The following DOCK4 variants were observed in gnomAD, a reference collection of about 807,000 sequenced individuals.
DOCK4 encodes dedicator of cytokinesis 4.
A neutral mutation model predicts 268.1 loss-of-function variants in DOCK4; 97 were observed. The ratio of observed to expected loss-of-function variants is 0.36; its 90% CI spans 0.31 to 0.43. DOCK4 has a LOEUF of 0.43. DOCK4 is among the 20% of genes least tolerant of loss of function. The probability of loss-of-function intolerance (pLI) is 1.00; values close to 1 mark genes in which losing one functional copy is unlikely to be tolerated. For synonymous variants in DOCK4, 954 were observed against 887.2 expected (o/e 1.08, Z -1.34); for missense variants, 2,145 against 2,455.7 (o/e 0.87, Z 2.67).
intron 8 of DOCK4, among the ~76,000 whole-genome samples, chr7:111,952,458 A>C (rs561933730): frequency 1.3e-5 from 2 of 152,288 alleles, no homozygotes; most frequent in South Asian, 4.1e-4. Flanking sequence ...AATATCAAAA[A>C]TTTTGACATT....
intron 15 of DOCK4, among the ~76,000 whole-genome samples, chr7:111,897,697 T>G (rs1000864008): frequency 6.6e-6 from 1 of 152,186 alleles, no homozygotes; most frequent in Non-Finnish European, 1.5e-5. Flanking sequence ...GCTGGCTCAG[T>G]AGACCAACCA....
At chr7:111,931,412 G>C (rs1341448960) in intron 12 of DOCK4, among the ~76,000 whole-genome samples, 1 of 152,196 alleles carries the variant, frequency 6.6e-6, no homozygotes, top group African/African-American at 2.4e-5. Context: ...TTTCACTCAG[G>C]ATTCCAGTAA....
In DOCK4 at chr7:112,063,284, G is replaced by A. The variant is rs561140760; in HGVS notation, c.38-59153C>T. Among the ~76,000 whole-genome samples the A allele has an allele frequency of 1.3e-4, 20 of 152,314 alleles. No individual in the cohort carries two copies. In the South Asian group the frequency reaches 3.9e-3, roughly 30 times the overall value. On this transcript the variant is annotated intron_variant, in intron 1 of 52. Transcript: ENST00000428084. ...CTTGCTATACACCAGTCTGTAATTC[G>A]TGGCCTTCTATCATCCTTCCACCAC...
intron 1 of DOCK4, among the ~76,000 whole-genome samples, chr7:112,015,031 T>A (rs1801694748): frequency 6.6e-6 from 1 of 152,174 alleles, no homozygotes; most frequent in African/African-American, 2.4e-5. Flanking sequence ...CTGGGTGGCA[T>A]TCCCAGGAGG....
chr7:111,935,230 G>A, intron 12 of DOCK4: 1 of 375,264 alleles, frequency 2.7e-6, no homozygotes, highest in Non-Finnish European at 5.1e-6. Context: ...TTACAGGCGT[G>A]AGCCACCGTG....
chr7:112,113,152 C>T (rs892766229), intron 1 of DOCK4, among the ~76,000 whole-genome samples: 2 of 152,288 alleles, frequency 1.3e-5, no homozygotes, highest in South Asian at 4.1e-4. Context: ...ATTCCTGAGG[C>T]AAAGTGGGGT....
chr7:111,777,099 A>G (rs898429783), intron 36 of DOCK4, among the ~76,000 whole-genome samples: 2 of 152,222 alleles, frequency 1.3e-5, no homozygotes, highest in Non-Finnish European at 1.5e-5. Context: ...GATTACAGGC[A>G]TGAGCCACCA....
At chr7:111,896,827 C>T (rs1808800213) in intron 15 of DOCK4, among the ~76,000 whole-genome samples, 1 of 152,056 alleles carries the variant, frequency 6.6e-6, no homozygotes, top group African/African-American at 2.4e-5. Flanking sequence ...TGGTGCTGGT[C>T]CCTAATATGA....
intron 12 of DOCK4, among the ~76,000 whole-genome samples, chr7:111,930,237 A>C (rs1284635924): frequency 6.6e-6 from 1 of 152,214 alleles, no homozygotes; most frequent in Non-Finnish European, 1.5e-5. Context: ...AAACATCTTA[A>C]AAAGTTAAAT....
chr7:112,098,205 GTCTC>G (rs982322696), intron 1 of DOCK4, among the ~76,000 whole-genome samples: 57 of 152,044 alleles, frequency 3.7e-4, no homozygotes, highest in African/African-American at 1.3e-3. Context: ...TTTAGACAGA[GTCTC>G]ACTCTGTTGC....
chr7:112,037,345 T>A (rs1480113465), intron 1 of DOCK4, among the ~76,000 whole-genome samples: 1 of 152,198 alleles, frequency 6.6e-6, no homozygotes, highest in Non-Finnish European at 1.5e-5. Context: ...AACTCCATTG[T>A]CAGTCGAGAA....
chr7:111,989,224 C>T (rs1799305775), intron 5 of DOCK4, 61 bp from the exon 6 acceptor site: 1 of 1,588,270 alleles, frequency 6.3e-7, no homozygotes, highest in African/African-American at 1.3e-5. Flanking sequence ...TGTGGGGTAA[C>T]CAAAAAGGAA....
Position 111,728,595 on chromosome 7 carries a change from C to T in DOCK4, c.5607G>A (p.Ser1869=), listed in dbSNP as rs747119054. The T allele has an allele frequency of 5.1e-5, 83 of 1,613,904 alleles. No homozygotes were observed. The highest frequency in any genetic ancestry group is 6.9e-5 in the Non-Finnish European group (82 of 1,179,898). The change falls in exon 53 of 53, where the codon TCG becomes TCA. Residue 1869 remains serine (S), a synonymous_variant. Transcript: ENST00000428084. ...CCTGATTTTCAAAGCCTGAGGTTTCCGACGTGCTGCACCGGCTGAGAGAAG... is the reference window on the plus strand; with the variant it reads ...CCTGATTTTCAAAGCCTGAGGTTTCTGACGTGCTGCACCGGCTGAGAGAAG... The part of the protein sequence containing the change: ...GISSLSRCST[S]ETSGFENQVN...
intron 11 of DOCK4, among the ~76,000 whole-genome samples, chr7:111,937,827 AC>A (rs1260730818): frequency 6.6e-6 from 1 of 152,332 alleles, no homozygotes; most frequent in Non-Finnish European, 1.5e-5. Context: ...TAGCTAGGCA[AC>A]ATGGGGCAAG....
At position 111,746,346 on chromosome 7, in the gene DOCK4, C is replaced by T. The variant is rs1382522500; in HGVS notation, c.4665G>A (p.Leu1555=). ...CTGCTTCCCTTACCTGCTCAAGCAT[C>T]AGCTCTCTTAATCGTGCAATTTTCT... ...DGEKIARLRE[L]MLEQAQILEF... The change falls in exon 44 of 53, where the codon CTG becomes CTA. Residue 1555 remains leucine, a synonymous_variant. Transcript: ENST00000428084. 6.2e-7 allele frequency: 1 copy of T among 1,612,654 alleles called. No individual in the cohort carries two copies. Among genetic ancestry groups the T allele is most frequent in the Non-Finnish European group, 8.5e-7 (1 of 1,179,424 alleles).
intron 1 of DOCK4, among the ~76,000 whole-genome samples, chr7:112,142,145 T>C (rs1814992523): frequency 6.6e-6 from 1 of 152,146 alleles, no homozygotes; most frequent in Non-Finnish European, 1.5e-5. Context: ...GTAGGTACTA[T>C]TATTAAGCCC....
At chr7:112,199,448 T>C (rs886986910) in intron 1 of DOCK4, among the ~76,000 whole-genome samples, 1 of 152,176 alleles carries the variant, frequency 6.6e-6, no homozygotes, top group Non-Finnish European at 1.5e-5. Context: ...TCCACTTTTT[T>C]GATGATTTTT....
At chr7:111,832,537 T>A (rs1471786073) in intron 26 of DOCK4, among the ~76,000 whole-genome samples, 1 of 151,824 alleles carries the variant, frequency 6.6e-6, no homozygotes, top group South Asian at 2.1e-4. Flanking sequence ...GCCTTGCTAT[T>A]TTTTTTTTCA....
intron 1 of DOCK4, among the ~76,000 whole-genome samples, chr7:112,052,167 A>G (rs977526787): frequency 6.6e-6 from 1 of 152,220 alleles, no homozygotes; most frequent in African/African-American, 2.4e-5. Flanking sequence ...AATAATGAGA[A>G]GAAAAAAGAC....
Sources: allele counts gnomAD v4.1 joint callset (sites outside exome capture counted in the v4.1 genomes callset), GRCh38; gene constraint gnomAD v4.1.1; transcripts MANE v1.5; gene names NCBI Gene and HGNC (gene_info 2026-07-23, HGNC 2026-07-21).